The following NKAIN2 variants were observed in gnomAD, a reference collection of about 807,000 sequenced individuals.
The protein encoded by NKAIN2 is sodium/potassium transporting ATPase interacting 2.
A neutral mutation model predicts 32.6 loss-of-function variants in NKAIN2; 14 were observed. That is an observed-to-expected ratio of 0.43 (90% CI 0.28 to 0.67). NKAIN2 has a LOEUF of 0.67. Among genes scored for constraint, NKAIN2 ranks in the 30% least tolerant of loss-of-function variants. The pLI, the probability that NKAIN2 is intolerant of heterozygous loss-of-function variation, is 0.17. For missense variants in NKAIN2, 198 were observed against 258.3 expected (o/e 0.77, Z 1.60); for synonymous variants, 80 against 87.2 (o/e 0.92, Z 0.46).
At chr6:124,667,723 A>G (rs1280650955) in intron 4 of NKAIN2, among the ~76,000 whole-genome samples, 1 of 152,158 alleles carries the variant, frequency 6.6e-6, no homozygotes, top group Non-Finnish European at 1.5e-5. Flanking sequence ...AAATAAGAGC[A>G]AGGAATTCTC....
intron 4 of NKAIN2, among the ~76,000 whole-genome samples, chr6:124,681,229 A>G (rs1188294664): frequency 6.6e-6 from 1 of 151,998 alleles, no homozygotes; most frequent in Non-Finnish European, 1.5e-5. Flanking sequence ...AATATAACCT[A>G]GGGCTCTACT....
intron 3 of NKAIN2, among the ~76,000 whole-genome samples, chr6:124,392,867 G>C (rs1013767512): frequency 6.6e-6 from 1 of 152,036 alleles, no homozygotes; most frequent in Non-Finnish European, 1.5e-5. Flanking sequence ...GGGACAATAT[G>C]CTCCTAGTTT....
chr6:124,355,808 T>G (rs1253351724), intron 3 of NKAIN2, among the ~76,000 whole-genome samples: 2 of 152,224 alleles, frequency 1.3e-5, no homozygotes, highest in Non-Finnish European at 2.9e-5. Context: ...TAGAAATGAA[T>G]ACAATCAACC....
At chr6:123,946,109 G>A (rs1777050356) in intron 1 of NKAIN2, among the ~76,000 whole-genome samples, 1 of 152,084 alleles carries the variant, frequency 6.6e-6, no homozygotes, top group African/African-American at 2.4e-5. Flanking sequence ...AATAAAAAGG[G>A]AGGGTTATCA....
At chr6:124,628,640 A>C (rs1298314497) in intron 3 of NKAIN2, among the ~76,000 whole-genome samples, 1 of 151,970 alleles carries the variant, frequency 6.6e-6, no homozygotes, top group Non-Finnish European at 1.5e-5. Context: ...TAATCTAATT[A>C]GTAATAAACA....
At chr6:124,358,023 G>T (rs185105453) in intron 3 of NKAIN2, among the ~76,000 whole-genome samples, 1 of 152,264 alleles carries the variant, frequency 6.6e-6, no homozygotes, top group Non-Finnish European at 1.5e-5. Flanking sequence ...AGAACATGCG[G>T]TGTTTGGTTT....
chr6:124,631,549 A>G (rs1015859508), intron 3 of NKAIN2, among the ~76,000 whole-genome samples: 1 of 152,132 alleles, frequency 6.6e-6, no homozygotes, highest in African/African-American at 2.4e-5. Flanking sequence ...TTGTAGGACC[A>G]TTCAGCCTTT....
At chr6:124,323,147 G>C (rs1225873128) in intron 2 of NKAIN2, among the ~76,000 whole-genome samples, 3 of 151,914 alleles carry the variant, frequency 2.0e-5, no homozygotes, top group African/African-American at 7.3e-5. Flanking sequence ...ATTAACTTTT[G>C]GATTGTTTAA....
chr6:124,785,854 G>A (rs1271222998), intron 4 of NKAIN2, among the ~76,000 whole-genome samples: 3 of 152,188 alleles, frequency 2.0e-5, no homozygotes, highest in Non-Finnish European at 4.4e-5. Flanking sequence ...CCCCAGTGGG[G>A]AGAAGAGAGT....
chr6:123,854,594 C>T (rs369566483), intron 1 of NKAIN2, among the ~76,000 whole-genome samples: 30 of 152,232 alleles, frequency 2.0e-4, no homozygotes, highest in African/African-American at 7.2e-4. Context: ...GTTTCACATA[C>T]GTTATTACAT....
chr6:124,516,944 T>C (rs1842129), intron 3 of NKAIN2, among the ~76,000 whole-genome samples: 69,929 of 152,002 alleles, frequency 0.46, 18,019 homozygotes, highest in South Asian at 0.59. Context: ...TAATCAATGC[T>C]ATAAATGTGT....
At chr6:124,487,415 C>A (rs1777694441) in intron 3 of NKAIN2, among the ~76,000 whole-genome samples, 1 of 152,050 alleles carries the variant, frequency 6.6e-6, no homozygotes, top group Admixed American at 6.6e-5. Context: ...ATTACCATTC[C>A]TAAAATTTCA....
intron 1 of NKAIN2, among the ~76,000 whole-genome samples, chr6:123,854,958 A>T (rs567407200): frequency 6.6e-6 from 1 of 152,320 alleles, no homozygotes; most frequent in East Asian, 1.9e-4. Flanking sequence ...CTGAAATGAA[A>T]TGATTCTCTT....
At chr6:124,580,365 G>A (rs1350177588) in intron 3 of NKAIN2, among the ~76,000 whole-genome samples, 2 of 152,248 alleles carry the variant, frequency 1.3e-5, no homozygotes, top group South Asian at 2.1e-4. Flanking sequence ...AAATTCAAGT[G>A]TGAAGTTTTT....
intron 3 of NKAIN2, among the ~76,000 whole-genome samples, chr6:124,483,132 A>G (rs1305446613): frequency 6.6e-6 from 1 of 152,154 alleles, no homozygotes; most frequent in East Asian, 1.9e-4. Context: ...AAAAAAAGGA[A>G]ATGTGGTAAG....
intron 1 of NKAIN2, among the ~76,000 whole-genome samples, chr6:124,071,123 C>T (rs1275077516): frequency 1.3e-5 from 2 of 152,012 alleles, no homozygotes; most frequent in Admixed American, 6.6e-5. Context: ...AGAAAGGCAA[C>T]AATGGAACAA....
intron 3 of NKAIN2, among the ~76,000 whole-genome samples, chr6:124,499,853 T>A (rs1415056275): frequency 6.6e-6 from 1 of 152,232 alleles, no homozygotes; most frequent in Non-Finnish European, 1.5e-5. Flanking sequence ...CTTCATATTC[T>A]GCCTACTTGG....
intron 3 of NKAIN2, among the ~76,000 whole-genome samples, chr6:124,589,836 C>T (rs1002267404): frequency 2.6e-5 from 4 of 151,694 alleles, no homozygotes; most frequent in African/African-American, 4.8e-5. Context: ...TTGCCCCCCA[C>T]CCCCCAACAA....
At chr6:123,974,415 T>C (rs1778464837) in intron 1 of NKAIN2, among the ~76,000 whole-genome samples, 1 of 152,168 alleles carries the variant, frequency 6.6e-6, no homozygotes, top group African/African-American at 2.4e-5. Context: ...GGAGAAATGA[T>C]TGTATCAGTT....
Sources: gnomAD v4.1 joint callset for allele counts (sites outside exome capture counted in the v4.1 genomes callset) on GRCh38, gnomAD v4.1.1 for gene constraint, MANE v1.5 for transcripts, NCBI Gene and HGNC (gene_info 2026-07-23, HGNC 2026-07-21) for gene names.